ALCAM: variants seen among roughly 807,000 people sequenced by gnomAD.
The protein encoded by ALCAM is CD166 antigen.
ALCAM carries 30 observed loss-of-function variants against 70.9 expected under a neutral mutation model. The observed-to-expected ratio is 0.42, with a 90% CI of 0.32 to 0.57. ALCAM has a LOEUF of 0.57. Ranked by LOEUF, ALCAM falls within the 20% of genes least tolerant of loss-of-function variation. ALCAM has a pLI of 0.11. For missense variants in ALCAM, 591 were observed against 695.1 expected, an observed-to-expected ratio of 0.85 and a Z score of 1.68; for synonymous variants, 249 against 242.5, an observed-to-expected ratio of 1.03 and a Z score of -0.25.
At chr3:105,528,154 G>T (rs1419469745) in intron 3 of ALCAM, among the ~76,000 whole-genome samples, 1 of 152,152 alleles carries the variant, frequency 6.6e-6, no homozygotes, top group Non-Finnish European at 1.5e-5. Context: ...GCTATCCTAT[G>T]TGTGGGTTTT....
intron 1 of ALCAM, among the ~76,000 whole-genome samples, chr3:105,414,151 C>A (rs1576147134): frequency 6.6e-6 from 1 of 151,750 alleles, no homozygotes; most frequent in African/African-American, 2.4e-5. Flanking sequence ...GTATTCCCAG[C>A]ACTTTGGGAG....
At chr3:105,546,267 T>A (rs1455058867) in intron 9 of ALCAM, among the ~76,000 whole-genome samples, 1 of 151,484 alleles carries the variant, frequency 6.6e-6, no homozygotes, top group African/African-American at 2.4e-5. Context: ...ATTACCTTTA[T>A]AAGAAACTGT....
intron 1 of ALCAM, among the ~76,000 whole-genome samples, chr3:105,402,220 T>C (rs532614740): frequency 1.3e-5 from 2 of 152,336 alleles, no homozygotes; most frequent in South Asian, 4.1e-4. Flanking sequence ...AGATACTTTG[T>C]CATATTATTA....
At chr3:105,490,624 T>C (rs1938556255) in intron 1 of ALCAM, among the ~76,000 whole-genome samples, 1 of 152,148 alleles carries the variant, frequency 6.6e-6, no homozygotes, top group Non-Finnish European at 1.5e-5. Flanking sequence ...ATTTAGGATA[T>C]GGTTTCTGAA....
At chr3:105,414,384 C>T (rs1393639847) in intron 1 of ALCAM, among the ~76,000 whole-genome samples, 2 of 152,096 alleles carry the variant, frequency 1.3e-5, no homozygotes, top group Non-Finnish European at 2.9e-5. Flanking sequence ...CACTGCACTT[C>T]AGCCTGGGTA....
intron 11 of ALCAM, among the ~76,000 whole-genome samples, chr3:105,547,741 C>G (rs1185578766): frequency 6.6e-6 from 1 of 151,344 alleles, no homozygotes; most frequent in South Asian, 2.1e-4. Flanking sequence ...AATTTTATCC[C>G]AGGGCCATGG....
chr3:105,551,985 G>A (rs1271753940), intron 12 of ALCAM, among the ~76,000 whole-genome samples, 159 bp from the exon 13 acceptor site: 1 of 149,354 alleles, frequency 6.7e-6, no homozygotes, highest in African/African-American at 2.4e-5. Context: ...TTGTAGGCAA[G>A]GTCATACTTT....
At chr3:105,532,964 G>A (rs1195682240) in intron 4 of ALCAM, among the ~76,000 whole-genome samples, 1 of 152,120 alleles carries the variant, frequency 6.6e-6, no homozygotes, top group African/African-American at 2.4e-5. Flanking sequence ...TATTAAAGTG[G>A]GGGACAAAGT....
intron 1 of ALCAM, among the ~76,000 whole-genome samples, chr3:105,418,227 C>CA (rs1936555597): frequency 6.6e-6 from 1 of 151,712 alleles, no homozygotes; most frequent in Admixed American, 6.6e-5. Flanking sequence ...GAAAACAGAA[C>CA]AAAGGCATTG....
chr3:105,515,906 T>A (rs1274829439), intron 1 of ALCAM, among the ~76,000 whole-genome samples: 1 of 152,046 alleles, frequency 6.6e-6, no homozygotes, highest in African/African-American at 2.4e-5. Flanking sequence ...TCAGGGACAG[T>A]TCATTTGTTC....
rs188239255 is a variant in ALCAM at position 105,489,681 on chromosome 3, T to A, written c.74-30386T>A. 7.2e-3 allele frequency among the ~76,000 whole-genome samples: 1,096 copies of A among 152,322 alleles called. 15 individuals are homozygous for A. Among genetic ancestry groups the A allele is most frequent in the African/African-American group, 0.025 (1,043 of 41,574 alleles). ...TATATTTTAGGTATTTTGAAATCTT[T>A]TTCATCCAGGACATTATATCATCCA... On this transcript the variant is annotated intron_variant, in intron 1 of 15. Transcript: ENST00000306107.
At chr3:105,449,408 T>C (rs1937373428) in intron 1 of ALCAM, among the ~76,000 whole-genome samples, 1 of 152,220 alleles carries the variant, frequency 6.6e-6, no homozygotes, top group South Asian at 2.1e-4. Context: ...AGAGAATCTA[T>C]AGCAGGTGGA....
At position 105,575,632 on chromosome 3, in the gene ALCAM, T is replaced by C. The variant is rs932852568; in HGVS notation, c.*1181T>C. 1 of 152,536 alleles carries C rather than the reference T, an allele frequency of 6.6e-6. No homozygotes were observed. Among genetic ancestry groups the C allele is most frequent in the African/African-American group, 2.4e-5 (1 of 41,422 alleles). The allele number at this position is 152,536 out of a possible 1,614,324, so 9.4% of individuals were successfully genotyped here. A position where few individuals can be genotyped will look rare whatever the true frequency, so the allele number is the denominator to read the frequency against. On this transcript the variant is annotated 3_prime_UTR_variant, in exon 16 of 16. Coordinates refer to ENST00000306107, the MANE Select transcript of ALCAM (RefSeq NM_001627.4). Reference sequence around the variant, plus strand: ...AAATTTGTAACTTTATAAACATGTTTTATGCTTGAGGAAATTTTTAAGGTG... The same window carrying C: ...AAATTTGTAACTTTATAAACATGTTCTATGCTTGAGGAAATTTTTAAGGTG...
rs141993182 is a variant in ALCAM, at chr3:105,438,975, C to G, written c.73+71494C>G. Among the ~76,000 whole-genome samples, 9 of 152,208 alleles carry G rather than the reference C, an allele frequency of 5.9e-5. No individual in the cohort carries two copies. In the East Asian group the frequency reaches 1.5e-3, roughly 26 times the overall value. On this transcript the variant is annotated intron_variant, in intron 1 of 15. Coordinates refer to ENST00000306107, the MANE Select transcript of ALCAM (RefSeq NM_001627.4). ...AAGCAGAAATAATGTTATAATACTA[C>G]AGACGAAGGTATATGAAATCAGGAT... is the stretch of plus-strand genomic sequence containing the variant.
At chr3:105,524,604 C>G in intron 3 of ALCAM, 96 bp downstream of exon 3, 1 of 1,540,896 alleles carries the variant, frequency 6.5e-7, no homozygotes, top group Non-Finnish European at 8.7e-7. Context: ...TGTAGTGTCT[C>G]TATAGCAGGT....
At chr3:105,375,486 A>T (rs1019212582) in intron 1 of ALCAM, among the ~76,000 whole-genome samples, 2 of 152,176 alleles carry the variant, frequency 1.3e-5, no homozygotes, top group African/African-American at 4.8e-5. Flanking sequence ...CAGGTATAAG[A>T]AAGAAAGATG....
intron 1 of ALCAM, among the ~76,000 whole-genome samples, chr3:105,501,481 T>C (rs894621424): frequency 3.3e-5 from 5 of 152,118 alleles, no homozygotes; most frequent in Non-Finnish European, 7.4e-5. Context: ...GTAATTTTAT[T>C]TGACATCAGA....
intron 1 of ALCAM, among the ~76,000 whole-genome samples, chr3:105,516,698 T>C (rs965229290): frequency 1.3e-5 from 2 of 152,150 alleles, no homozygotes; most frequent in African/African-American, 4.8e-5. Flanking sequence ...CTTAAATTTA[T>C]AAACACATTT....
intron 1 of ALCAM, among the ~76,000 whole-genome samples, chr3:105,395,225 A>G (rs1003647130): frequency 4.6e-5 from 7 of 151,948 alleles, no homozygotes; most frequent in Non-Finnish European, 8.8e-5. Context: ...ATTAAAATAT[A>G]TATTTAGTGA....
Sources: gnomAD v4.1 joint callset for allele counts (sites outside exome capture counted in the v4.1 genomes callset) on GRCh38, gnomAD v4.1.1 for gene constraint, MANE v1.5 for transcripts, NCBI Gene and HGNC (gene_info 2026-07-23, HGNC 2026-07-21) for gene names.